The following TNK2 variants were observed in gnomAD, a reference collection of about 807,000 sequenced individuals.
TNK2 encodes the protein tyrosine kinase non receptor 2.
In TNK2, 83 loss-of-function variants were observed where a neutral mutation model predicts 101.8. That is an observed-to-expected ratio of 0.82 (90% CI 0.68 to 0.98). TNK2 has a LOEUF of 0.98. Ranked by LOEUF, TNK2 falls within the 50% of genes least tolerant of loss-of-function variation. The probability of loss-of-function intolerance (pLI) is 0.00; values close to 1 mark genes in which losing one functional copy is unlikely to be tolerated. For missense variants in TNK2, 1,665 were observed against 1,483.2 expected (o/e 1.12, Z -2.01); for synonymous variants, 804 against 633.0 (o/e 1.27, Z -4.06).
chr3:195,906,037 A>C (rs1387251315), intron 1 of TNK2, among the ~76,000 whole-genome samples: 1 of 152,228 alleles, frequency 6.6e-6, no homozygotes, highest in Non-Finnish European at 1.5e-5. Context: ...ACAGCACCAA[A>C]GACATACGTA....
At chr3:195,872,736 A>C in intron 9 of TNK2, 3 of 468,358 alleles carry the variant, frequency 6.4e-6, no homozygotes, top group Non-Finnish European at 3.8e-6. Flanking sequence ...GCACGCTGGA[A>C]GCTGCTGCAG....
intron 9 of TNK2, among the ~76,000 whole-genome samples, chr3:195,872,966 T>C (rs1389633104): frequency 6.6e-6 from 1 of 152,112 alleles, no homozygotes; most frequent in African/African-American, 2.4e-5. Context: ...GGGGGACACC[T>C]AGGGCCTTGC....
Position 195,868,247 on chromosome 3 carries a change from T to C in TNK2, c.2051A>G (p.Asn684Ser), listed in dbSNP as rs747969547. 2 of 1,605,400 alleles carry C rather than the reference T, an allele frequency of 1.2e-6. No individual in the cohort carries two copies. Among genetic ancestry groups the C allele is most frequent in the Middle Eastern group, 1.7e-4 (1 of 6,060 alleles). Residue 684 changes from asparagine to serine, a missense_variant, in exon 13 of 16, where the codon AAC (asparagine) becomes AGC (serine). This residue lies in a region of TNK2 where 1,136 missense variants were observed against 894.9 expected (regional missense o/e 1.27). Coordinates refer to ENST00000672887, the MANE Select transcript of TNK2 (RefSeq NM_001382273.1). Reference protein sequence around the residue: ...VPAGPSQGQTNYAFVPEQARP... With the variant: ...VPAGPSQGQTSYAFVPEQARP... ...CGCCTGCTCAGGCACAAAGGCGTAG[T>C]TGGTCTGGCCCTGGCTGGGCCCGGC...
At position 195,885,282 on chromosome 3, in the gene TNK2, C is replaced by A; in HGVS notation, c.235-249G>T. 8.0e-7 allele frequency: 1 copy of A among 1,250,412 alleles called. No homozygotes were observed. 77.5% of individuals were successfully genotyped at this position (1,250,412 alleles called of 1,614,324 possible). On this transcript the variant is annotated intron_variant, in intron 3 of 15. Coordinates refer to ENST00000672887, the MANE Select transcript of TNK2 (RefSeq NM_001382273.1). The surrounding 1 kb of genome is among the most constrained non-coding windows in gnomAD (Gnocchi z 4.7). ...AGAAAGAGACCGACAGGCATGCAGCCTGTGGCTGAGCGGCCCCACACCCAG... is the reference window on the plus strand; with the variant it reads ...AGAAAGAGACCGACAGGCATGCAGCATGTGGCTGAGCGGCCCCACACCCAG...
At position 195,879,361 on chromosome 3, in the gene TNK2, A is replaced by C. The variant is rs1751156323; in HGVS notation, c.888-186T>G. On this transcript the variant is annotated intron_variant, in intron 6 of 15. Coordinates refer to ENST00000672887, the MANE Select transcript of TNK2 (RefSeq NM_001382273.1). The stretch of plus-strand genomic sequence containing the variant: ...ACGACACGATGCAGGGACTTGGGGA[A>C]ATCGTCTAAGCCCAGGCCTCTTATT... 1.4e-5 allele frequency: 11 copies of C among 791,196 alleles called. No individual in the cohort carries two copies. The South Asian group carries it at 1.9e-4, about 14-fold the overall frequency. The allele number at this position is 791,196 out of a possible 1,614,324, so 49.0% of individuals were successfully genotyped here.
At chr3:195,892,616 G>C in intron 1 of TNK2, 2 of 1,452,788 alleles carry the variant, frequency 1.4e-6, no homozygotes, top group Non-Finnish European at 9.1e-7. Context: ...GAACGGGGTG[G>C]GCCCCTCCGC....
chr3:195,901,791 C>G (rs1281879599), intron 1 of TNK2, among the ~76,000 whole-genome samples: 1 of 152,188 alleles, frequency 6.6e-6, no homozygotes, highest in Non-Finnish European at 1.5e-5. Context: ...GCCAAGAGCA[C>G]CCAGAGAGTA....
In TNK2 at chr3:195,885,753, G is replaced by A. The variant is rs913592554; in HGVS notation, c.235-720C>T. ...AGGAGCCGAAGGTCAAGGGACAGAA[G>A]AAAGGAGGCCATGAGGGTCAAAGCT... On this transcript the variant is annotated intron_variant, in intron 3 of 15. Transcript: ENST00000672887. This position sits in a 1 kb window ranked among gnomAD's most constrained non-coding sequence, Gnocchi z 4.7. 4.7e-6 allele frequency: 2 copies of A among 426,386 alleles called. No individual in the cohort carries two copies. The highest frequency in any genetic ancestry group is 8.4e-6 in the Non-Finnish European group (2 of 239,324). 26.4% of individuals were successfully genotyped at this position (426,386 alleles called of 1,614,324 possible). A position where few individuals can be genotyped will look rare whatever the true frequency, so the allele number is the denominator to read the frequency against.
At chr3:195,880,768 AC>A (rs1184487152) in intron 6 of TNK2, among the ~76,000 whole-genome samples, 6 of 1,478 alleles carry the variant, frequency 4.1e-3, no homozygotes, top group Admixed American at 0.014. Flanking sequence ...TCCCTGTAAC[AC>A]CCCCCCCAGC....
At chr3:195,870,022 C>T in intron 11 of TNK2, 92 bp downstream of exon 11, 1 of 1,055,602 alleles carries the variant, frequency 9.5e-7, no homozygotes, top group Non-Finnish European at 1.3e-6. Flanking sequence ...TCCCCAAAAA[C>T]AGAACAGCAG....
In TNK2 at chr3:195,868,143, C is replaced by A. The variant is rs762787633; in HGVS notation, c.2155G>T (p.Ala719Ser). 3 of 1,611,362 alleles carry A rather than the reference C, an allele frequency of 1.9e-6. No homozygotes were observed. The highest frequency in any genetic ancestry group is 2.5e-6 in the Non-Finnish European group (3 of 1,179,392). Reference protein sequence around the residue: ...GGKPPSSAQTAEIFQALQQEC... With the variant: ...GGKPPSSAQTSEIFQALQQEC... ...TGCTGTAGCGCCTGGAAGATCTCTG[C>A]GGTCTGTGCGGAGCTGGGCGGCTTG... The change falls in exon 13 of 16, where the codon GCA (alanine) becomes TCA (serine). Residue 719 changes from alanine (A) to serine (S), a missense_variant. Coordinates refer to ENST00000672887, the MANE Select transcript of TNK2 (RefSeq NM_001382273.1).
rs755746568 is a variant in TNK2 at position 195,882,009 on chromosome 3, G to A, written c.887+42C>T. ...AAAGCCCCAGAAGCTTTGAGGCCTG[G>A]GTCTGCAGGGACTCTGTGAGCTGGC... is the stretch of plus-strand genomic sequence containing the variant. On this transcript the variant is annotated intron_variant, in intron 6 of 15. Coordinates refer to ENST00000672887, the MANE Select transcript of TNK2 (RefSeq NM_001382273.1). The surrounding 1 kb of genome is among the most constrained non-coding windows in gnomAD (Gnocchi z 4.2). 7.0e-6 allele frequency: 11 copies of A among 1,581,160 alleles called. No homozygotes were observed. Among genetic ancestry groups the A allele is most frequent in the South Asian group, 5.8e-5 (5 of 85,768 alleles).
At chr3:195,871,498 AGG>A (rs1441915910) in intron 10 of TNK2, among the ~76,000 whole-genome samples, 46 of 152,264 alleles carry the variant, frequency 3.0e-4, no homozygotes, top group African/African-American at 1.0e-3. Context: ...CAGCAGGAGA[AGG>A]AAAACCACTG....
At position 195,882,584 on chromosome 3, in the gene TNK2, G is replaced by A. The variant is rs538288228; in HGVS notation, c.610-256C>T. ...TAGAAATTCCAAAACTCAGCTGGAC[G>A]TGGTGGCTCACGCCTGTAATCCCAG... On this transcript the variant is annotated intron_variant, in intron 5 of 15. Coordinates refer to ENST00000672887, the MANE Select transcript of TNK2 (RefSeq NM_001382273.1). This position sits in a 1 kb window ranked among gnomAD's most constrained non-coding sequence, Gnocchi z 4.2. The A allele has an allele frequency of 2.4e-5, 35 of 1,460,506 alleles. No individual in the cohort carries two copies. The Middle Eastern group carries it at 7.1e-4, about 30-fold the overall frequency. 90.5% of individuals were successfully genotyped at this position (1,460,506 alleles called of 1,614,324 possible). A position where few individuals can be genotyped will look rare whatever the true frequency, so the allele number is the denominator to read the frequency against.
At position 195,878,645 on chromosome 3, in the gene TNK2, A is replaced by G. The variant is rs1006521438; in HGVS notation, c.1015-53T>C. 6.9e-6 allele frequency: 11 copies of G among 1,583,782 alleles called. No homozygotes were observed. The highest frequency in any genetic ancestry group is 9.5e-6 in the Non-Finnish European group (11 of 1,163,338). ...CGACAAACAGAGCGCCCAGCCCTTC[A>G]CTTCCCGCCTTCCCTCCAGCCCATC... On this transcript the variant is annotated intron_variant, in intron 7 of 15. Coordinates refer to ENST00000672887, the MANE Select transcript of TNK2 (RefSeq NM_001382273.1). This position sits in a 1 kb window ranked among gnomAD's most constrained non-coding sequence, Gnocchi z 4.7.
At chr3:195,890,167 C>T (rs910959132) in intron 1 of TNK2, among the ~76,000 whole-genome samples, 1 of 152,236 alleles carries the variant, frequency 6.6e-6, no homozygotes, top group Non-Finnish European at 1.5e-5. Context: ...CTGGGCCAGC[C>T]GGGTGGTTTC....
At chr3:195,895,463 C>CA in intron 1 of TNK2, 2 of 1,396,654 alleles carry the variant, frequency 1.4e-6, no homozygotes. Flanking sequence ...CCCATAGCCT[C>CA]ATCCGCCATC....
Position 195,867,806 on chromosome 3 carries a change from G to T in TNK2, c.2492C>A (p.Pro831His). The T allele has an allele frequency of 6.4e-7, 1 of 1,560,334 alleles. No individual in the cohort carries two copies. The highest frequency in any genetic ancestry group is 1.7e-4 in the Middle Eastern group (1 of 5,806). ...GTCTGAGGCAAAGCTCTGGGTGGTGGGCATGGTCTTCCCAGGTGAGCTTGA... is the reference window on the plus strand; with the variant it reads ...GTCTGAGGCAAAGCTCTGGGTGGTGTGCATGGTCTTCCCAGGTGAGCTTGA... ...RLSSSPGKTM[P>H]TTQSFASDPK... is the part of the protein sequence containing the mutation. Residue 831 changes from proline (P) to histidine (H), a missense_variant, in exon 13 of 16, where the codon CCC (proline) becomes CAC (histidine). Pro to His is a moderately conservative substitution (Grantham distance 77). This residue lies in a region of TNK2 where 1,136 missense variants were observed against 894.9 expected (regional missense o/e 1.27). Transcript: ENST00000672887.
Position 195,868,358 on chromosome 3 carries a change from G to C in TNK2, c.1940C>G (p.Pro647Arg). 2 of 1,590,200 alleles carry C rather than the reference G, an allele frequency of 1.3e-6. No individual in the cohort carries two copies. Among genetic ancestry groups the C allele is most frequent in the Non-Finnish European group, 1.7e-6 (2 of 1,173,644 alleles). The change falls in exon 13 of 16, where the codon CCG becomes CGG. Residue 647 changes from proline (P) to arginine (R), a missense_variant. By Grantham distance (103) the Pro-to-Arg change is moderately radical (BLOSUM62 -2). Around this residue, in one of 3 missense-constraint regions of TNK2, gnomAD observed 1,136 missense variants for 894.9 expected, o/e 1.27. Transcript: ENST00000672887. The part of the protein sequence containing the change: ...VDWDARPLPP[P>R]PAYDDVAQDE... ...CTGGGCCACGTCGTCATAGGCGGGC[G>C]GGGGGGGCAGCGGGCGTGCGTCCCA... is the stretch of plus-strand genomic sequence containing the variant.
Sources: allele counts gnomAD v4.1 joint callset (sites outside exome capture counted in the v4.1 genomes callset), GRCh38; gene constraint gnomAD v4.1.1; regional missense constraint gnomAD v4.1.1; non-coding constraint Gnocchi (gnomAD v3.1); transcripts MANE v1.5; gene names NCBI Gene and HGNC (gene_info 2026-07-23, HGNC 2026-07-21).